WWOX: variants seen among roughly 807,000 people sequenced by gnomAD.
WWOX encodes WW domain-containing oxidoreductase.
Under a neutral mutation model 46.2 loss-of-function variants are expected in WWOX, and 69 were observed. The observed-to-expected ratio is 1.49, with a 90% CI of 1.23 to 1.82. The LOEUF (loss-of-function observed/expected upper bound fraction) is 1.82, where lower values mean the gene tolerates loss of function less well. WWOX is among the 40% of genes most tolerant of loss of function. The pLI is 0.00. For synonymous variants in WWOX, 359 were observed against 202.6 expected, an observed-to-expected ratio of 1.77 and a Z score of -6.56; for missense variants, 919 against 542.6, an observed-to-expected ratio of 1.69 and a Z score of -6.89.
intron 8 of WWOX, among the ~76,000 whole-genome samples, chr16:79,077,096 C>T (rs77673233): frequency 0.025 from 3,778 of 152,144 alleles, 48 homozygotes; most frequent in African/African-American, 0.042. Flanking sequence ...AAAAGGTGGC[C>T]GGATGAGGAT....
rs1412004721 is a variant in WWOX at position 78,528,814 on chromosome 16, G to C, written c.1056+96062G>C. Among the ~76,000 whole-genome samples, 3 of 152,072 alleles carry C rather than the reference G, an allele frequency of 2.0e-5. No individual in the cohort carries two copies. In the East Asian group the frequency reaches 5.8e-4, roughly 29 times the overall value. On this transcript the variant is annotated intron_variant, in intron 8 of 8. Coordinates refer to ENST00000566780, the MANE Select transcript of WWOX (RefSeq NM_016373.4). ...GCTGGTTCTTCGTGTTCAGCATTAA[G>C]GATTGGTAGAAATCAGGCAACCTCT...
intron 8 of WWOX, among the ~76,000 whole-genome samples, chr16:78,785,068 G>A (rs1567557917): frequency 6.6e-6 from 1 of 152,000 alleles, no homozygotes; most frequent in Non-Finnish European, 1.5e-5. Context: ...TAAAGACTTG[G>A]GCAGTCTCCA....
chr16:78,543,693 C>G (rs891487393), intron 8 of WWOX, among the ~76,000 whole-genome samples: 3 of 152,152 alleles, frequency 2.0e-5, no homozygotes, highest in Non-Finnish European at 4.4e-5. Flanking sequence ...GACCCAAGAC[C>G]TTAACTTTTG....
chr16:78,679,143 G>C (rs933790657), intron 8 of WWOX, among the ~76,000 whole-genome samples: 1 of 152,194 alleles, frequency 6.6e-6, no homozygotes, highest in Non-Finnish European at 1.5e-5. Context: ...GATGGATTCA[G>C]GGAGGATTGT....
At chr16:78,904,000 T>G (rs984525847) in intron 8 of WWOX, among the ~76,000 whole-genome samples, 1 of 152,134 alleles carries the variant, frequency 6.6e-6, no homozygotes, top group Non-Finnish European at 1.5e-5. Flanking sequence ...TGCAGCCCTA[T>G]AAGCTATAAT....
chr16:78,584,170 A>G (rs2045134734), intron 8 of WWOX, among the ~76,000 whole-genome samples: 1 of 152,204 alleles, frequency 6.6e-6, no homozygotes, highest in Non-Finnish European at 1.5e-5. Flanking sequence ...TCCTTCTCTA[A>G]GACTAACACA....
intron 4 of WWOX, among the ~76,000 whole-genome samples, chr16:78,145,645 C>A (rs536165210): frequency 2.6e-5 from 4 of 152,276 alleles, no homozygotes; most frequent in African/African-American, 9.6e-5. Flanking sequence ...CGCACAGACA[C>A]ACCCAGGAAC....
chr16:78,856,012 C>G (rs1435324594), intron 8 of WWOX, among the ~76,000 whole-genome samples: 1 of 152,194 alleles, frequency 6.6e-6, no homozygotes, highest in Non-Finnish European at 1.5e-5. Context: ...CTAACTTTAT[C>G]TAACTTTACT....
intron 8 of WWOX, among the ~76,000 whole-genome samples, chr16:78,753,020 C>G (rs936152559): frequency 6.6e-6 from 1 of 152,152 alleles, no homozygotes; most frequent in African/African-American, 2.4e-5. Flanking sequence ...TAGGGCTGGG[C>G]ACGGTAGCTC....
chr16:78,647,408 G>A (rs770254410), intron 8 of WWOX, among the ~76,000 whole-genome samples: 1 of 152,122 alleles, frequency 6.6e-6, no homozygotes, highest in Non-Finnish European at 1.5e-5. Context: ...TGGGTCTCCA[G>A]GTTTCTATCA....
At chr16:78,734,196 G>A (rs1338699720) in intron 8 of WWOX, among the ~76,000 whole-genome samples, 3 of 152,098 alleles carry the variant, frequency 2.0e-5, no homozygotes, top group Non-Finnish European at 2.9e-5. Flanking sequence ...GACTGAAATT[G>A]GAATGTTAGG....
At chr16:79,031,309 G>C (rs114995787) in intron 8 of WWOX, among the ~76,000 whole-genome samples, 23 of 152,218 alleles carry the variant, frequency 1.5e-4, no homozygotes, top group African/African-American at 5.1e-4. Context: ...AGCACTGTTT[G>C]GTACTGATCA....
At chr16:78,774,458 C>T (rs572121278) in intron 8 of WWOX, among the ~76,000 whole-genome samples, 2 of 151,864 alleles carry the variant, frequency 1.3e-5, no homozygotes, top group African/African-American at 2.4e-5. Flanking sequence ...TGGTGTGTCT[C>T]ATGTCATTTT....
chr16:78,620,564 C>G (rs1439887515), intron 8 of WWOX, among the ~76,000 whole-genome samples: 2 of 152,156 alleles, frequency 1.3e-5, no homozygotes, highest in African/African-American at 4.8e-5. Flanking sequence ...TTTATGTCCT[C>G]TGCCACCTTA....
intron 6 of WWOX, among the ~76,000 whole-genome samples, chr16:78,414,305 G>T (rs150706053): frequency 3.3e-5 from 5 of 152,164 alleles, no homozygotes; most frequent in Admixed American, 6.6e-5. Flanking sequence ...AAGCCTGTTT[G>T]GTGGTCTCTT....
chr16:78,868,927 A>T (rs2044066111), intron 8 of WWOX, among the ~76,000 whole-genome samples: 1 of 152,088 alleles, frequency 6.6e-6, no homozygotes, highest in Non-Finnish European at 1.5e-5. Flanking sequence ...CCATTAAAAC[A>T]CACCTGCGTG....
chr16:78,886,967 G>C (rs1039552914), intron 8 of WWOX, among the ~76,000 whole-genome samples: 2 of 151,850 alleles, frequency 1.3e-5, no homozygotes, highest in African/African-American at 4.8e-5. Context: ...AAGTTTATAG[G>C]GTCTGCTGGG....
intron 8 of WWOX, among the ~76,000 whole-genome samples, chr16:79,167,874 A>G (rs1053835018): frequency 7.9e-5 from 12 of 152,234 alleles, no homozygotes; most frequent in Admixed American, 2.6e-4. Context: ...CCAGAAAAGC[A>G]TACACATAAA....
intron 5 of WWOX, among the ~76,000 whole-genome samples, chr16:78,257,256 T>C (rs1439205831): frequency 6.6e-6 from 1 of 152,130 alleles, no homozygotes; most frequent in Admixed American, 6.5e-5. Flanking sequence ...TTCTCTTATG[T>C]AGGAAGGGGA....
Sources: allele counts gnomAD v4.1 joint callset (sites outside exome capture counted in the v4.1 genomes callset), GRCh38; gene constraint gnomAD v4.1.1; transcripts MANE v1.5; gene names NCBI Gene and HGNC (gene_info 2026-07-23, HGNC 2026-07-21).